SLC4A7: variants seen among roughly 807,000 people sequenced by gnomAD.
The protein encoded by SLC4A7 is sodium bicarbonate cotransporter 3.
A neutral mutation model predicts 137.6 loss-of-function variants in SLC4A7; 51 were observed. That is an observed-to-expected ratio of 0.37 (90% CI 0.30 to 0.47). The LOEUF is 0.47. Among genes scored for constraint, SLC4A7 ranks in the 20% least tolerant of loss-of-function variants. SLC4A7 has a pLI of 1.00. For synonymous variants in SLC4A7, 542 were observed against 518.6 expected (o/e 1.05, Z -0.61); for missense variants, 1,247 against 1,525.4 (o/e 0.82, Z 3.04).
chr3:27,483,026 A>G (rs1441333277), intron 1 of SLC4A7, among the ~76,000 whole-genome samples: 1 of 152,244 alleles, frequency 6.6e-6, no homozygotes, highest in Non-Finnish European at 1.5e-5. Flanking sequence ...GAATAAAAAC[A>G]TAGGAGAAGT....
intron 1 of SLC4A7, among the ~76,000 whole-genome samples, chr3:27,471,228 TA>T (rs2059232661): frequency 6.6e-6 from 1 of 152,206 alleles, no homozygotes; most frequent in Non-Finnish European, 1.5e-5. Flanking sequence ...AAATTATTAA[TA>T]AATCACAACC....
chr3:27,484,290 C>T lies in SLC4A7; in HGVS notation c.-164G>A. 1 of 417,034 alleles carries T rather than the reference C, an allele frequency of 2.4e-6. No homozygotes were observed. Among genetic ancestry groups the T allele is most frequent in the Non-Finnish European group, 3.9e-6 (1 of 255,218 alleles). The allele number at this position is 417,034 out of a possible 1,614,324, so 25.8% of individuals were successfully genotyped here. ...CGCGTGGGGAGAGCCGGGCGCCGGG[C>T]GCGGGAGACGCGGGGCGTGCGTGTG... On this transcript the variant is annotated 5_prime_UTR_variant, in exon 1 of 26. Coordinates refer to ENST00000454389, the MANE Select transcript of SLC4A7 (RefSeq NM_001321103.2).
Position 27,461,969 on chromosome 3 carries a change from A to G in SLC4A7, c.61-9471T>C, listed in dbSNP as rs868173767. Among the ~76,000 whole-genome samples the G allele has an allele frequency of 2.5e-4, 38 of 152,190 alleles. No individual in the cohort carries two copies. In the Middle Eastern group the frequency reaches 0.01, roughly 41 times the overall value. On this transcript the variant is annotated intron_variant, in intron 1 of 25. Coordinates refer to ENST00000454389, the MANE Select transcript of SLC4A7 (RefSeq NM_001321103.2). Reference sequence around the variant, plus strand: ...AGTGCGATTCCATCTCAAAAAAAAGATGATGAACCAAGTAATTCCCTTACG... The same window carrying G: ...AGTGCGATTCCATCTCAAAAAAAAGGTGATGAACCAAGTAATTCCCTTACG...
intron 15 of SLC4A7, among the ~76,000 whole-genome samples, chr3:27,401,937 T>C (rs1420267170): frequency 2.0e-5 from 3 of 152,224 alleles, no homozygotes; most frequent in African/African-American, 4.8e-5. Context: ...TTCGGCATCA[T>C]AGTGTCACTA....
Position 27,434,055 on chromosome 3 carries a change from T to C in SLC4A7, c.639A>G (p.Ile213Met), listed in dbSNP as rs140940751. The C allele has an allele frequency of 1.2e-5, 20 of 1,613,596 alleles. No individual in the cohort carries two copies. Among genetic ancestry groups the C allele is most frequent in the Non-Finnish European group, 1.7e-5 (20 of 1,179,828 alleles). The change falls in exon 6 of 26, where the codon ATA (isoleucine) becomes ATG (methionine). Residue 213 changes from isoleucine to methionine, a missense_variant. Around this residue, in one of 6 missense-constraint regions of SLC4A7, gnomAD observed 223 missense variants for 203.6 expected, o/e 1.10. Transcript: ENST00000454389. ...MIASGQLDES[I>M]RENVREALLK... is the part of the protein sequence containing the mutation. Reference sequence around the variant, plus strand: ...GAAGAGCTTCTCTGACATTCTCTCGTATGGACTCGTCTAATTGGCCAGAAG... The same window carrying C: ...GAAGAGCTTCTCTGACATTCTCTCGCATGGACTCGTCTAATTGGCCAGAAG...
intron 1 of SLC4A7, among the ~76,000 whole-genome samples, chr3:27,454,213 C>A (rs1238774438): frequency 6.6e-6 from 1 of 152,128 alleles, no homozygotes; most frequent in African/African-American, 2.4e-5. Flanking sequence ...CATCTGTAAT[C>A]CCAACACTTT....
At position 27,436,400 on chromosome 3, in the gene SLC4A7, C is replaced by G; in HGVS notation, c.577G>C (p.Asp193His). The change falls in exon 5 of 26, where the codon GAT (aspartate) becomes CAT (histidine). Residue 193 changes from aspartate to histidine, a missense_variant. Transcript: ENST00000454389. ...VMLDMRASTLDEIADMVLDNM... is the reference protein window; with the variant it reads ...VMLDMRASTLHEIADMVLDNM... ...AGTTTACTATAACCTGCTATTTCAT[C>G]TAGAGTGCTTGCTCTCATATCCAGC... The G allele has an allele frequency of 6.2e-7, 1 of 1,611,072 alleles. No individual in the cohort carries two copies. The highest frequency in any genetic ancestry group is 8.5e-7 in the Non-Finnish European group (1 of 1,178,684).
At chr3:27,387,129 G>C (rs1387693414) in intron 22 of SLC4A7, among the ~76,000 whole-genome samples, 2 of 151,990 alleles carry the variant, frequency 1.3e-5, no homozygotes, top group Non-Finnish European at 2.9e-5. Context: ...TTAAATATTT[G>C]GTTATTAAAA....
At chr3:27,447,845 A>G (rs989858510) in intron 3 of SLC4A7, among the ~76,000 whole-genome samples, 6 of 151,950 alleles carry the variant, frequency 3.9e-5, no homozygotes, top group African/African-American at 1.5e-4. Context: ...AAATAAGAGT[A>G]CTCTTTTTTG....
At chr3:27,420,873 A>G in intron 9 of SLC4A7, 86 bp from the exon 10 acceptor site, 1 of 885,532 alleles carries the variant, frequency 1.1e-6, no homozygotes, top group South Asian at 1.6e-5. Flanking sequence ...CCATTCAAAT[A>G]TAAACAAAGA....
chr3:27,425,301 C>T (rs1194451560), intron 7 of SLC4A7, among the ~76,000 whole-genome samples: 5 of 135,826 alleles, frequency 3.7e-5, no homozygotes, highest in South Asian at 2.5e-4. Flanking sequence ...ACCCAGGAGG[C>T]GGAGGTTGCA....
intron 1 of SLC4A7, among the ~76,000 whole-genome samples, chr3:27,480,526 A>C (rs1259736735): frequency 1.3e-5 from 2 of 152,160 alleles, no homozygotes; most frequent in Non-Finnish European, 2.9e-5. Context: ...CACAGCACCT[A>C]GCCTTGTCCT....
At chr3:27,479,607 G>A (rs1184091108) in intron 1 of SLC4A7, among the ~76,000 whole-genome samples, 2 of 152,076 alleles carry the variant, frequency 1.3e-5, no homozygotes, top group African/African-American at 4.8e-5. Context: ...ATCAACCAAA[G>A]ACCTTTTATG....
intron 1 of SLC4A7, among the ~76,000 whole-genome samples, chr3:27,475,184 C>G (rs141888702): frequency 0.011 from 1,624 of 151,892 alleles, 10 homozygotes; most frequent in South Asian, 0.02. Flanking sequence ...TAAGGACAGT[C>G]AAGATTTTTT....
At chr3:27,426,660 A>T (rs1019316005) in intron 7 of SLC4A7, among the ~76,000 whole-genome samples, 2 of 152,226 alleles carry the variant, frequency 1.3e-5, no homozygotes, top group Non-Finnish European at 2.9e-5. Context: ...TGAAGAACTC[A>T]ACATTGACAA....
chr3:27,412,092 A>G (rs983736920), intron 11 of SLC4A7, among the ~76,000 whole-genome samples: 1 of 152,198 alleles, frequency 6.6e-6, no homozygotes, highest in Non-Finnish European at 1.5e-5. Flanking sequence ...TCTCCCACCA[A>G]AACTTTAAAA....
chr3:27,423,353 A>C (rs2055193171), intron 8 of SLC4A7, among the ~76,000 whole-genome samples: 1 of 152,184 alleles, frequency 6.6e-6, no homozygotes, highest in African/African-American at 2.4e-5. Context: ...ACTACTAAAA[A>C]ATTAGTGGCT....
At chr3:27,472,736 G>T (rs1029989766) in intron 1 of SLC4A7, among the ~76,000 whole-genome samples, 2 of 152,086 alleles carry the variant, frequency 1.3e-5, no homozygotes, top group Non-Finnish European at 2.9e-5. Context: ...TCTAATCAAT[G>T]AAACAATTTC....
intron 1 of SLC4A7, chr3:27,462,722 A>G: frequency 2.8e-5 from 1 of 35,630 alleles, no homozygotes. Context: ...TCTAAAAGCA[A>G]CTCAGACTTG....
Sources: gnomAD v4.1 joint callset for allele counts (sites outside exome capture counted in the v4.1 genomes callset) on GRCh38, gnomAD v4.1.1 for gene constraint, gnomAD v4.1.1 regional missense constraint, MANE v1.5 for transcripts, NCBI Gene and HGNC (gene_info 2026-07-23, HGNC 2026-07-21) for gene names.